Variants in CCDC148 observed in about 807,000 individuals in gnomAD.
The protein encoded by CCDC148 is coiled-coil domain containing 148.
A neutral mutation model predicts 85.7 loss-of-function variants in CCDC148; 89 were observed. That is an observed-to-expected ratio of 1.04 (90% confidence interval 0.87 to 1.24). The LOEUF (loss-of-function observed/expected upper bound fraction) is 1.24, where lower values mean the gene tolerates loss of function less well. Ranked by LOEUF, CCDC148 falls within the 50% of genes most tolerant of loss-of-function variation. The pLI is 0.00. For missense variants in CCDC148, 692 were observed against 671.7 expected (o/e 1.03, Z -0.33); for synonymous variants, 230 against 213.9 (o/e 1.08, Z -0.66).
At chr2:158,286,487 C>G (rs757966677) in intron 9 of CCDC148, among the ~76,000 whole-genome samples, 1 of 152,170 alleles carries the variant, frequency 6.6e-6, no homozygotes, top group Non-Finnish European at 1.5e-5. Context: ...AATAGGACTT[C>G]TTTTTTAGAA....
intron 9 of CCDC148, among the ~76,000 whole-genome samples, chr2:158,289,206 AG>A (rs1347014754): frequency 6.6e-6 from 1 of 152,222 alleles, no homozygotes; most frequent in African/African-American, 2.4e-5. Context: ...TAACCATAAA[AG>A]ACAAAGATTG....
chr2:158,230,836 G>C (rs1030204668), intron 10 of CCDC148, among the ~76,000 whole-genome samples: 1 of 152,134 alleles, frequency 6.6e-6, no homozygotes, highest in Non-Finnish European at 1.5e-5. Flanking sequence ...AGGGCTCATT[G>C]AAAGATTCCA....
intron 1 of CCDC148, among the ~76,000 whole-genome samples, chr2:158,418,263 T>A (rs1686597939): frequency 6.6e-6 from 1 of 152,116 alleles, no homozygotes; most frequent in South Asian, 2.1e-4. Context: ...ACTAGGTAAT[T>A]TCTAAGGAAT....
chr2:158,221,768 A>C (rs898566150), intron 10 of CCDC148, among the ~76,000 whole-genome samples: 28 of 152,206 alleles, frequency 1.8e-4, no homozygotes, highest in African/African-American at 6.8e-4. Flanking sequence ...ACATCTGTTC[A>C]ATGTTTAATG....
Position 158,220,707 on chromosome 2 carries a change from T to A in CCDC148, c.1258A>T (p.Lys420Ter). ...TTCTGTTTTTTCTTGGCCCAGTATT[T>A]TTTTATCTATTGTATAAATGTTACA... Reference protein sequence around the residue: ...QRAEKKKKIKKYWAKKKQKWQ... With the variant: ...QRAEKKKKIK The change falls in exon 11 of 14, where the codon AAA (lysine) becomes TAA (stop). Residue 420 changes from lysine (K) to a stop codon, truncating the protein, a stop_gained. Transcript: ENST00000283233. LOFTEE classifies it high-confidence loss of function. The A allele has an allele frequency of 6.4e-7, 1 of 1,571,474 alleles. No homozygotes were observed. Among genetic ancestry groups the A allele is most frequent in the Non-Finnish European group, 8.6e-7 (1 of 1,163,250 alleles).
At chr2:158,434,797 T>A (rs546081347) in intron 1 of CCDC148, among the ~76,000 whole-genome samples, 13 of 152,306 alleles carry the variant, frequency 8.5e-5, no homozygotes, top group Non-Finnish European at 1.9e-4. Flanking sequence ...CTGATGGAGC[T>A]GAAAACCATG....
At chr2:158,363,248 G>C (rs1476632368) in intron 1 of CCDC148, among the ~76,000 whole-genome samples, 1 of 152,126 alleles carries the variant, frequency 6.6e-6, no homozygotes, top group Non-Finnish European at 1.5e-5. Flanking sequence ...AAGAGATGCT[G>C]GTACCATTCC....
chr2:158,353,972 T>C (rs1683475698), intron 2 of CCDC148, among the ~76,000 whole-genome samples: 2 of 152,210 alleles, frequency 1.3e-5, no homozygotes, highest in African/African-American at 4.8e-5. Flanking sequence ...TGCTCCTGAA[T>C]GACCACTGGG....
At chr2:158,211,887 C>T (rs1026104444) in intron 11 of CCDC148, among the ~76,000 whole-genome samples, 4 of 152,184 alleles carry the variant, frequency 2.6e-5, no homozygotes, top group African/African-American at 9.6e-5. Flanking sequence ...CTCTGTCAAT[C>T]ATGCTTGCTT....
intron 9 of CCDC148, among the ~76,000 whole-genome samples, chr2:158,282,617 T>G (rs529457783): frequency 1.9e-4 from 29 of 152,194 alleles, no homozygotes; most frequent in African/African-American, 5.1e-4. Flanking sequence ...CACTGCTCAA[T>G]GAAATTAAAG....
chr2:158,452,015 G>A (rs73001385), intron 1 of CCDC148, among the ~76,000 whole-genome samples: 9,452 of 152,202 alleles, frequency 0.062, 626 homozygotes, highest in African/African-American at 0.16. Context: ...ATGACCTTAT[G>A]AGGAGAATAG....
intron 7 of CCDC148, 125 bp from the exon 8 acceptor site, chr2:158,314,019 A>G (rs561967859): frequency 1.6e-5 from 13 of 824,356 alleles, no homozygotes; most frequent in Non-Finnish European, 2.1e-5. Context: ...TATTTTAAAT[A>G]CATTAGCCAA....
intron 2 of CCDC148, among the ~76,000 whole-genome samples, chr2:158,353,547 C>G (rs1382720181): frequency 6.6e-6 from 1 of 151,680 alleles, no homozygotes; most frequent in East Asian, 1.9e-4. Flanking sequence ...TATATATGCA[C>G]CCAATATAGG....
intron 2 of CCDC148, among the ~76,000 whole-genome samples, chr2:158,352,141 A>G (rs889320198): frequency 2.0e-5 from 3 of 149,708 alleles, no homozygotes; most frequent in African/African-American, 5.0e-5. Context: ...CAGAACAGAA[A>G]AACTGGAAAC....
chr2:158,347,260 G>C (rs886461279), intron 2 of CCDC148, among the ~76,000 whole-genome samples: 1 of 151,958 alleles, frequency 6.6e-6, no homozygotes, highest in Non-Finnish European at 1.5e-5. Flanking sequence ...GAAAGACGGG[G>C]ACACATTTTT....
intron 1 of CCDC148, among the ~76,000 whole-genome samples, chr2:158,370,320 C>T (rs1010559856): frequency 1.3e-5 from 2 of 152,010 alleles, no homozygotes; most frequent in African/African-American, 2.4e-5. Flanking sequence ...AAAATATATA[C>T]ATGTAGAAAC....
chr2:158,319,926 A>C (rs1477553003), intron 7 of CCDC148, among the ~76,000 whole-genome samples: 2 of 152,306 alleles, frequency 1.3e-5, no homozygotes, highest in Admixed American at 1.3e-4. Context: ...GAATCAGTGA[A>C]GACAAGATCA....
At chr2:158,280,966 A>C (rs919197125) in intron 9 of CCDC148, among the ~76,000 whole-genome samples, 36 of 152,354 alleles carry the variant, frequency 2.4e-4, no homozygotes, top group African/African-American at 8.7e-4. Context: ...ACTCAGGATT[A>C]AGGAACTCAC....
intron 9 of CCDC148, among the ~76,000 whole-genome samples, chr2:158,265,585 G>A (rs1689421582): frequency 6.6e-6 from 1 of 152,084 alleles, no homozygotes; most frequent in Admixed American, 6.6e-5. Context: ...AGAGTTAGTA[G>A]CATGTCGGAA....
Sources: gnomAD v4.1 joint callset for allele counts (sites outside exome capture counted in the v4.1 genomes callset) on GRCh38, gnomAD v4.1.1 for gene constraint, MANE v1.5 for transcripts, NCBI Gene and HGNC (gene_info 2026-07-23, HGNC 2026-07-21) for gene names.